TMPRSS15: variants seen among roughly 807,000 people sequenced by gnomAD.
TMPRSS15 encodes the protein transmembrane serine protease 15, also known as enteropeptidase.
A neutral mutation model predicts 125.3 loss-of-function variants in TMPRSS15; 128 were observed. The ratio of observed to expected loss-of-function variants is 1.02; its 90% CI spans 0.89 to 1.18. The LOEUF (loss-of-function observed/expected upper bound fraction) is 1.18. Ranked by LOEUF, TMPRSS15 falls within the 50% of genes most tolerant of loss-of-function variation. The probability of loss-of-function intolerance (pLI) is 0.00; values close to 1 mark genes in which losing one functional copy is unlikely to be tolerated. For synonymous variants in TMPRSS15, 446 were observed against 423.2 expected, an observed-to-expected ratio of 1.05 and a Z score of -0.66; for missense variants, 1,283 against 1,212.7, an observed-to-expected ratio of 1.06 and a Z score of -0.86.
intron 7 of TMPRSS15, among the ~76,000 whole-genome samples, chr21:18,364,795 G>T (rs1451967480): frequency 6.6e-6 from 1 of 152,102 alleles, no homozygotes; most frequent in African/African-American, 2.4e-5. Flanking sequence ...ATATTTTATA[G>T]ACAAATGCAG....
chr21:18,440,100 C>T (rs994008938), intron 1 of TMPRSS15, among the ~76,000 whole-genome samples: 10 of 151,956 alleles, frequency 6.6e-5, no homozygotes, highest in Middle Eastern at 3.2e-3. Context: ...GATGGCCGGG[C>T]GCGGTGGCTC....
chr21:18,305,433 CCTT>C (rs1200842917), intron 18 of TMPRSS15, among the ~76,000 whole-genome samples: 3 of 152,092 alleles, frequency 2.0e-5, no homozygotes. Context: ...CGTGATCCGC[CCTT>C]CTCGGCCTCC....
chr21:18,387,463 C>T (rs556327592), intron 3 of TMPRSS15, among the ~76,000 whole-genome samples: 18 of 152,148 alleles, frequency 1.2e-4, no homozygotes, highest in African/African-American at 3.9e-4. Flanking sequence ...CTGCATGTTG[C>T]CACAAAGGGT....
intron 21 of TMPRSS15, among the ~76,000 whole-genome samples, chr21:18,282,097 C>CAAAAAAAAA (rs954911028): frequency 2.0e-4 from 5 of 24,960 alleles, no homozygotes; most frequent in Non-Finnish European, 2.0e-4. Context: ...GACTCCGCCT[C>CAAAAAAAAA]AAAAAAAAAA....
At chr21:18,438,325 G>A (rs34393005) in intron 1 of TMPRSS15, among the ~76,000 whole-genome samples, 2 of 118,348 alleles carry the variant, frequency 1.7e-5, no homozygotes, top group Non-Finnish European at 3.4e-5. Flanking sequence ...GGGGACTGTT[G>A]TGGGGTGGGG....
intron 1 of TMPRSS15, among the ~76,000 whole-genome samples, chr21:18,480,159 A>G (rs1406509379): frequency 2.0e-5 from 3 of 152,092 alleles, no homozygotes; most frequent in East Asian, 3.9e-4. Flanking sequence ...AACACCACGT[A>G]TTCTCACTCA....
At chr21:18,311,281 C>A (rs1222204484) in intron 18 of TMPRSS15, among the ~76,000 whole-genome samples, 1 of 152,040 alleles carries the variant, frequency 6.6e-6, no homozygotes, top group Non-Finnish European at 1.5e-5. Flanking sequence ...AGGGAATAAC[C>A]AACGAAGTGA....
In TMPRSS15 at chr21:18,341,400, G is replaced by A. The variant is rs2146985450; in HGVS notation, c.1564+13C>T. The A allele has an allele frequency of 1.2e-6, 2 of 1,614,056 alleles. No individual in the cohort carries two copies. Among genetic ancestry groups the A allele is most frequent in the Non-Finnish European group, 1.7e-6 (2 of 1,179,974 alleles). On this transcript the variant is annotated intron_variant, in intron 13 of 24. Coordinates refer to ENST00000284885, the MANE Select transcript of TMPRSS15 (RefSeq NM_002772.3). ...TGATTTAATAAGACAAAATACACAT[G>A]AAGGTTACTTACTAGGAAGTTCTGG... is the stretch of plus-strand genomic sequence containing the variant.
At chr21:18,319,489 C>T (rs1044030674) in intron 16 of TMPRSS15, among the ~76,000 whole-genome samples, 3 of 137,774 alleles carry the variant, frequency 2.2e-5, no homozygotes, top group Non-Finnish European at 3.0e-5. Flanking sequence ...AGTACAATGG[C>T]GCCATCTCGG....
intron 8 of TMPRSS15, among the ~76,000 whole-genome samples, chr21:18,359,174 C>T (rs1433075454): frequency 6.6e-6 from 1 of 151,936 alleles, no homozygotes; most frequent in Non-Finnish European, 1.5e-5. Context: ...TGAATAGAAA[C>T]ATATTACTAG....
At chr21:18,396,540 C>T (rs770069332) in intron 3 of TMPRSS15, among the ~76,000 whole-genome samples, 27 of 151,852 alleles carry the variant, frequency 1.8e-4, no homozygotes, top group East Asian at 3.9e-4. Flanking sequence ...TTTGGGAGGC[C>T]GAGGTGGGCG....
chr21:18,312,261 T>A (rs2075107944), intron 18 of TMPRSS15, among the ~76,000 whole-genome samples: 1 of 151,912 alleles, frequency 6.6e-6, no homozygotes, highest in Admixed American at 6.6e-5. Context: ...TAAGACTTGA[T>A]GGGAAGGTAA....
At chr21:18,421,255 T>C (rs2123191506) in intron 1 of TMPRSS15, among the ~76,000 whole-genome samples, 1 of 152,312 alleles carries the variant, frequency 6.6e-6, no homozygotes, top group Admixed American at 6.5e-5. Context: ...TTTCAAGATC[T>C]TGGTCACAGT....
chr21:18,384,874 A>C (rs923498050), intron 3 of TMPRSS15, among the ~76,000 whole-genome samples: 1 of 152,156 alleles, frequency 6.6e-6, no homozygotes, highest in Non-Finnish European at 1.5e-5. Flanking sequence ...TTATCTCTCC[A>C]TCTATCTATC....
chr21:18,472,800 T>C (rs1192104232), intron 1 of TMPRSS15, among the ~76,000 whole-genome samples: 1 of 152,008 alleles, frequency 6.6e-6, no homozygotes, highest in Non-Finnish European at 1.5e-5. Context: ...TATTTGAAGT[T>C]AGGGCTATAA....
At chr21:18,430,339 AAAAAGAAACTATG>A (rs1469334313) in intron 1 of TMPRSS15, among the ~76,000 whole-genome samples, 7 of 152,168 alleles carry the variant, frequency 4.6e-5, no homozygotes, top group African/African-American at 1.7e-4. Context: ...TGGTCCCATA[AAAAAGAAACTATG>A]TTTTGCCTTG....
intron 1 of TMPRSS15, among the ~76,000 whole-genome samples, chr21:18,479,143 C>G (rs766054183): frequency 4.6e-5 from 7 of 151,868 alleles, no homozygotes; most frequent in Non-Finnish European, 8.8e-5. Context: ...TTGGAATGCT[C>G]AATCTGTATA....
chr21:18,465,765 CACAA>C (rs1278029881), intron 1 of TMPRSS15, among the ~76,000 whole-genome samples: 3 of 152,056 alleles, frequency 2.0e-5, no homozygotes, highest in Non-Finnish European at 4.4e-5. Flanking sequence ...TAAGAGAGGA[CACAA>C]ACAAATGGAA....
chr21:18,447,898 A>T (rs2076259071), intron 1 of TMPRSS15, among the ~76,000 whole-genome samples: 1 of 152,184 alleles, frequency 6.6e-6, no homozygotes, highest in Non-Finnish European at 1.5e-5. Flanking sequence ...AGAGATATGT[A>T]AATCAAAACC....
Sources: allele counts gnomAD v4.1 joint callset (sites outside exome capture counted in the v4.1 genomes callset), GRCh38; gene constraint gnomAD v4.1.1; transcripts MANE v1.5; gene names NCBI Gene and HGNC (gene_info 2026-07-23, HGNC 2026-07-21).